The following NRG3 variants were observed in gnomAD, a reference collection of about 807,000 sequenced individuals.
NRG3 encodes neuregulin 3.
NRG3 carries 31 observed loss-of-function variants against 66.9 expected under a neutral mutation model. The ratio of observed to expected loss-of-function variants is 0.46; its 90% CI spans 0.35 to 0.63. NRG3 has a LOEUF of 0.63. Ranked by LOEUF, NRG3 falls within the 20% of genes least tolerant of loss-of-function variation. NRG3 has a pLI of 0.00. For missense variants in NRG3, 910 were observed against 878.9 expected (o/e 1.04, Z -0.45); for synonymous variants, 393 against 359.4 (o/e 1.09, Z -1.06).
intron 4 of NRG3, among the ~76,000 whole-genome samples, chr10:82,890,507 A>G (rs766469459): frequency 6.6e-6 from 1 of 152,220 alleles, no homozygotes; most frequent in Non-Finnish European, 1.5e-5. Context: ...TACATTCATC[A>G]TGTGAATATA....
intron 2 of NRG3, among the ~76,000 whole-genome samples, chr10:82,397,931 G>A (rs1244349453): frequency 2.6e-5 from 4 of 152,112 alleles, no homozygotes; most frequent in African/African-American, 7.2e-5. Context: ...CTGGCTTTGG[G>A]GGCATCTGCT....
chr10:82,551,879 T>A (rs1490665773), intron 2 of NRG3, among the ~76,000 whole-genome samples: 1 of 139,794 alleles, frequency 7.2e-6, no homozygotes, highest in Non-Finnish European at 1.5e-5. Context: ...ATCCAACTAT[T>A]TTTTTTCTAT....
At chr10:82,949,683 C>T (rs139734427) in intron 4 of NRG3, among the ~76,000 whole-genome samples, 5 of 152,076 alleles carry the variant, frequency 3.3e-5, no homozygotes, top group African/African-American at 7.2e-5. Context: ...AGTGAAACCT[C>T]ATCTCTACTA....
chr10:82,911,808 A>G (rs1162084167), intron 4 of NRG3, among the ~76,000 whole-genome samples: 1 of 151,348 alleles, frequency 6.6e-6, no homozygotes, highest in Non-Finnish European at 1.5e-5. Context: ...TTCCTTTTCT[A>G]GTTTTTAAGG....
chr10:81,952,961 T>C (rs2133207179), intron 1 of NRG3, among the ~76,000 whole-genome samples: 1 of 152,152 alleles, frequency 6.6e-6, no homozygotes, highest in Admixed American at 6.5e-5. Context: ...GGCTAATGCT[T>C]CTCTGAGCTG....
At chr10:82,103,454 C>T (rs1392458183) in intron 1 of NRG3, among the ~76,000 whole-genome samples, 1 of 152,120 alleles carries the variant, frequency 6.6e-6, no homozygotes, top group Non-Finnish European at 1.5e-5. Context: ...GTCTCACCTT[C>T]TGTGGGTGAT....
intron 1 of NRG3, among the ~76,000 whole-genome samples, chr10:82,263,492 A>C (rs1322218033): frequency 2.0e-5 from 3 of 152,218 alleles, no homozygotes; most frequent in Non-Finnish European, 4.4e-5. Flanking sequence ...CCTACCATTT[A>C]TAAGCATTAA....
chr10:82,810,837 C>T (rs1403667095), intron 3 of NRG3, among the ~76,000 whole-genome samples: 1 of 150,988 alleles, frequency 6.6e-6, no homozygotes, highest in Non-Finnish European at 1.5e-5. Flanking sequence ...AATAGGGAGA[C>T]ATACAAGATA....
At chr10:82,563,395 T>C (rs1047471289) in intron 2 of NRG3, among the ~76,000 whole-genome samples, 1 of 152,140 alleles carries the variant, frequency 6.6e-6, no homozygotes, top group African/African-American at 2.4e-5. Flanking sequence ...ATGTTATTAA[T>C]TTTGCATCAA....
chr10:82,358,408 A>C (rs1319857290), intron 1 of NRG3, among the ~76,000 whole-genome samples: 1 of 152,168 alleles, frequency 6.6e-6, no homozygotes, highest in East Asian at 1.9e-4. Flanking sequence ...TCCTTCATAC[A>C]ACATGTTTGT....
intron 1 of NRG3, among the ~76,000 whole-genome samples, chr10:82,162,342 A>T (rs2132964075): frequency 6.6e-6 from 1 of 152,144 alleles, no homozygotes; most frequent in African/African-American, 2.4e-5. Flanking sequence ...TTTCCTTTTT[A>T]TTTTACTTTT....
chr10:82,287,247 G>C (rs1466189634), intron 1 of NRG3, among the ~76,000 whole-genome samples: 3 of 151,914 alleles, frequency 2.0e-5, no homozygotes, highest in African/African-American at 7.3e-5. Flanking sequence ...ATGGGATCTG[G>C]ATGTTTAAAA....
intron 4 of NRG3, among the ~76,000 whole-genome samples, chr10:82,880,928 A>G (rs973736723): frequency 6.6e-6 from 1 of 152,196 alleles, no homozygotes; most frequent in African/African-American, 2.4e-5. Context: ...ACCCACTTCT[A>G]TCTCACACTC....
At chr10:82,839,813 C>A (rs1158634407) in intron 3 of NRG3, among the ~76,000 whole-genome samples, 1 of 151,946 alleles carries the variant, frequency 6.6e-6, no homozygotes, top group East Asian at 1.9e-4. Flanking sequence ...CCAAAGTCTA[C>A]AACTCAGTAC....
chr10:82,742,063 A>G (rs955139623), intron 3 of NRG3, among the ~76,000 whole-genome samples: 14 of 151,198 alleles, frequency 9.3e-5, no homozygotes, highest in African/African-American at 3.4e-4. Context: ...CCCTCCCTCC[A>G]TTTTTTCTCT....
At chr10:82,294,043 G>A (rs1276458763) in intron 1 of NRG3, among the ~76,000 whole-genome samples, 1 of 151,926 alleles carries the variant, frequency 6.6e-6, no homozygotes, top group Non-Finnish European at 1.5e-5. Context: ...CAAATGCCCC[G>A]CTTGTCCTCT....
At chr10:82,254,429 C>T (rs2077619039) in intron 1 of NRG3, among the ~76,000 whole-genome samples, 1 of 152,140 alleles carries the variant, frequency 6.6e-6, no homozygotes. Flanking sequence ...CACACTTTGG[C>T]AATTCTACAG....
chr10:82,843,225 ATTACGAAGTGGGAC>A, intron 3 of NRG3: 2 of 454,726 alleles, frequency 4.4e-6, no homozygotes, highest in African/African-American at 2.0e-5. Context: ...TTATAACAGT[ATTACGAAGTGGGAC>A]ATTTAAGAGG....
intron 1 of NRG3, among the ~76,000 whole-genome samples, chr10:82,125,420 C>A (rs2068377579): frequency 6.6e-6 from 1 of 151,966 alleles, no homozygotes; most frequent in Admixed American, 6.6e-5. Context: ...TTACTCAATT[C>A]TAAGTGGATG....
Sources: allele counts gnomAD v4.1 joint callset (sites outside exome capture counted in the v4.1 genomes callset), GRCh38; gene constraint gnomAD v4.1.1; transcripts MANE v1.5; gene names NCBI Gene and HGNC (gene_info 2026-07-23, HGNC 2026-07-21).